ITPR2: variants seen among roughly 807,000 people sequenced by gnomAD.
ITPR2 encodes inositol 1,4,5-trisphosphate receptor type 2.
Under a neutral mutation model 317.1 loss-of-function variants are expected in ITPR2, and 207 were observed. The observed-to-expected ratio is 0.65, with a 90% CI of 0.58 to 0.73. ITPR2 has a LOEUF of 0.73. Ranked by LOEUF, ITPR2 falls within the 30% of genes least tolerant of loss-of-function variation. The pLI is 0.00. For synonymous variants in ITPR2, 1,156 were observed against 1,149.1 expected (o/e 1.01, Z -0.12); for missense variants, 2,613 against 3,284.0 (o/e 0.80, Z 4.99).
intron 39 of ITPR2, among the ~76,000 whole-genome samples, chr12:26,492,915 GTGTGTATATATATA>G (rs1391604571): frequency 8.3e-6 from 1 of 120,976 alleles, no homozygotes; most frequent in East Asian, 4.2e-4. Context: ...GTATGTGTGT[GTGTGTATATATATA>G]TATATATATA....
intron 36 of ITPR2, among the ~76,000 whole-genome samples, chr12:26,553,316 A>G (rs919740621): frequency 6.6e-6 from 1 of 152,060 alleles, no homozygotes; most frequent in Non-Finnish European, 1.5e-5. Context: ...CTTTCACTCT[A>G]TGTGTTAAGT....
intron 9 of ITPR2, among the ~76,000 whole-genome samples, chr12:26,699,060 T>C (rs996306967): frequency 6.6e-6 from 1 of 151,852 alleles, no homozygotes; most frequent in African/African-American, 2.4e-5. Flanking sequence ...CCAAATGATA[T>C]GCAACATGTT....
intron 1 of ITPR2, among the ~76,000 whole-genome samples, chr12:26,804,009 T>A (rs576881751): frequency 6.6e-6 from 1 of 152,210 alleles, no homozygotes; most frequent in Non-Finnish European, 1.5e-5. Flanking sequence ...TGTGCAACTA[T>A]TATATATAAA....
intron 1 of ITPR2, among the ~76,000 whole-genome samples, chr12:26,794,434 T>C (rs1175539160): frequency 6.6e-6 from 1 of 152,252 alleles, no homozygotes; most frequent in East Asian, 1.9e-4. Context: ...GACACTTTAT[T>C]GCTGTCCATG....
At position 26,737,792 on chromosome 12, in the gene ITPR2, C is replaced by A. The variant is rs187213926; in HGVS notation, c.164-12027G>T. Among the ~76,000 whole-genome samples the A allele has an allele frequency of 1.7e-3, 261 of 152,256 alleles. 1 individual carries two copies. Among genetic ancestry groups the A allele is most frequent in the African/African-American group, 5.9e-3 (247 of 41,546 alleles). On this transcript the variant is annotated intron_variant, in intron 2 of 56. Coordinates refer to ENST00000381340, the MANE Select transcript of ITPR2 (RefSeq NM_002223.4). ...CATCAAAATGCTCAAAGTTAAAGCA[C>A]TATGTAAATATGTATTATTATTACT...
chr12:26,617,150 G>A (rs1337249236), intron 26 of ITPR2, among the ~76,000 whole-genome samples: 7 of 152,126 alleles, frequency 4.6e-5, no homozygotes, highest in Non-Finnish European at 1.0e-4. Context: ...CCCAAACACT[G>A]TTCAAGGGTA....
intron 2 of ITPR2, among the ~76,000 whole-genome samples, chr12:26,738,981 AAAG>A (rs1169431351): frequency 6.6e-6 from 1 of 152,238 alleles, no homozygotes; most frequent in Non-Finnish European, 1.5e-5. Flanking sequence ...CAACTCAATA[AAAG>A]AAGACATACA....
At chr12:26,340,036 G>T in intron 56 of ITPR2, 131 bp downstream of exon 56, 1 of 806,284 alleles carries the variant, frequency 1.2e-6, no homozygotes, top group Non-Finnish European at 1.9e-6. Context: ...ACAGTACAAC[G>T]TGAGGTTTCT....
chr12:26,510,891 C>T (rs73085294), intron 37 of ITPR2, among the ~76,000 whole-genome samples: 2,542 of 152,246 alleles, frequency 0.017, 34 homozygotes, highest in Middle Eastern at 0.044. Flanking sequence ...AAAATAAAGA[C>T]AGCTTTTTGA....
intron 28 of ITPR2, 69 bp downstream of exon 28, chr12:26,602,301 G>A: frequency 9.2e-6 from 14 of 1,526,728 alleles, no homozygotes; most frequent in Non-Finnish European, 1.2e-5. Context: ...AAATTTCTTG[G>A]AACTTTGCAA....
At chr12:26,682,706 T>C in intron 11 of ITPR2, 33 bp from the exon 12 acceptor site, 2 of 1,359,092 alleles carry the variant, frequency 1.5e-6, no homozygotes, top group South Asian at 2.4e-5. Flanking sequence ...AAACAAATTA[T>C]AAAAAATTAG....
At chr12:26,404,521 G>T (rs7962988) in intron 52 of ITPR2, among the ~76,000 whole-genome samples, 1 of 152,072 alleles carries the variant, frequency 6.6e-6, no homozygotes, top group African/African-American at 2.4e-5. Flanking sequence ...CAAAAAAATA[G>T]TCACTGGATT....
chr12:26,388,172 G>A (rs778306750), intron 54 of ITPR2, among the ~76,000 whole-genome samples: 4 of 152,154 alleles, frequency 2.6e-5, no homozygotes, highest in Non-Finnish European at 5.9e-5. Flanking sequence ...GGGGTGATCT[G>A]TTCCATTTCC....
At position 26,606,534 on chromosome 12, in the gene ITPR2, T is replaced by A. The variant is rs564514052; in HGVS notation, c.3463-3828A>T. On this transcript the variant is annotated intron_variant, in intron 26 of 56. Coordinates refer to ENST00000381340, the MANE Select transcript of ITPR2 (RefSeq NM_002223.4). The stretch of plus-strand genomic sequence containing the variant: ...AAAGAGTGAATATTGGTTCTAAAGA[T>A]AGTTCCTCCCTTTTTTTTTTTTTTG... Among the ~76,000 whole-genome samples, 16 of 125,516 alleles carry A rather than the reference T, an allele frequency of 1.3e-4. No homozygotes were observed. In the East Asian group the frequency reaches 3.5e-3, roughly 27 times the overall value. The allele number at this position is 125,516 out of a possible 152,430, so 82.3% of individuals were successfully genotyped here.
At chr12:26,428,384 A>C (rs1356802943) in intron 48 of ITPR2, among the ~76,000 whole-genome samples, 1 of 152,180 alleles carries the variant, frequency 6.6e-6, no homozygotes, top group Non-Finnish European at 1.5e-5. Flanking sequence ...TGATTTGCTA[A>C]ATACTTTTGA....
At chr12:26,518,691 C>A (rs145402455) in intron 37 of ITPR2, among the ~76,000 whole-genome samples, 34 of 151,860 alleles carry the variant, frequency 2.2e-4, no homozygotes, top group African/African-American at 7.2e-4. Context: ...CATGGTGTAA[C>A]GAGGTTGAAA....
chr12:26,710,723 A>C (rs1428822843), intron 9 of ITPR2, among the ~76,000 whole-genome samples: 3 of 152,232 alleles, frequency 2.0e-5, no homozygotes, highest in Non-Finnish European at 4.4e-5. Context: ...TTTTACGAAG[A>C]AAACATTTTC....
chr12:26,722,772 C>T (rs529474250), intron 4 of ITPR2, among the ~76,000 whole-genome samples: 1 of 151,964 alleles, frequency 6.6e-6, no homozygotes, highest in South Asian at 2.1e-4. Context: ...ATAATGAAGT[C>T]GGCATAATAG....
chr12:26,731,218 T>C (rs1282612356), intron 2 of ITPR2, among the ~76,000 whole-genome samples: 1 of 152,198 alleles, frequency 6.6e-6, no homozygotes, highest in Admixed American at 6.5e-5. Flanking sequence ...ATTCAACAAA[T>C]GGCTCTTTCA....
Sources: gnomAD v4.1 joint callset for allele counts (sites outside exome capture counted in the v4.1 genomes callset) on GRCh38, gnomAD v4.1.1 for gene constraint, MANE v1.5 for transcripts, NCBI Gene and HGNC (gene_info 2026-07-23, HGNC 2026-07-21) for gene names.